The following AGFG2 variants were observed in gnomAD, a reference collection of about 807,000 sequenced individuals.
The protein encoded by AGFG2 is ArfGAP with FG repeats 2.
In AGFG2, 31 loss-of-function variants were observed where a neutral mutation model predicts 48.0. That is an observed-to-expected ratio of 0.65 (90% confidence interval 0.49 to 0.87). The LOEUF (loss-of-function observed/expected upper bound fraction) is 0.87, where lower values mean the gene tolerates loss of function less well. Ranked by LOEUF, AGFG2 falls within the 40% of genes least tolerant of loss-of-function variation. The probability of loss-of-function intolerance (pLI) is 0.00; values close to 1 mark genes in which losing one functional copy is unlikely to be tolerated. For missense variants in AGFG2, 599 were observed against 632.6 expected (o/e 0.95, Z 0.57); for synonymous variants, 229 against 260.8 (o/e 0.88, Z 1.18).
intron 1 of AGFG2, among the ~76,000 whole-genome samples, chr7:100,545,218 G>T (rs1017935334): frequency 6.6e-6 from 1 of 152,144 alleles, no homozygotes; most frequent in Non-Finnish European, 1.5e-5. Context: ...GGTGGAACTG[G>T]TTTTTTTCCA....
chr7:100,548,316 G>C (rs1800553543), intron 1 of AGFG2, among the ~76,000 whole-genome samples: 1 of 151,864 alleles, frequency 6.6e-6, no homozygotes, highest in Non-Finnish European at 1.5e-5. Flanking sequence ...GGGGGTTGGA[G>C]GGGGGTGGTG....
At chr7:100,553,612 T>C (rs1052152922) in intron 4 of AGFG2, 112 bp downstream of exon 4, 3 of 1,307,266 alleles carry the variant, frequency 2.3e-6, no homozygotes, top group South Asian at 1.5e-5. Flanking sequence ...GAGCTGTGAG[T>C]TGGGTCTCGG....
intron 5 of AGFG2, among the ~76,000 whole-genome samples, chr7:100,555,088 CT>C (rs1800729851): frequency 1.3e-5 from 2 of 152,068 alleles, no homozygotes; most frequent in East Asian, 1.9e-4. Flanking sequence ...CTGGGTGCCC[CT>C]GTTCCCCTGT....
rs550550640 is a variant in AGFG2 at position 100,560,265 on chromosome 7, C to T, written c.878-1994C>T. The stretch of plus-strand genomic sequence containing the variant: ...TCAATCTTGGCTCACTGCAATCTTC[C>T]TCTTCCAGGTTCAAGTGATTCTGGT... On this transcript the variant is annotated intron_variant, in intron 6 of 11. Coordinates refer to ENST00000300176, the MANE Select transcript of AGFG2 (RefSeq NM_006076.5). 4.6e-5 allele frequency among the ~76,000 whole-genome samples: 7 copies of T among 152,100 alleles called. No individual in the cohort carries two copies. In the South Asian group the frequency reaches 1.5e-3, roughly 32 times the overall value.
rs183911161 is a variant in AGFG2, at chr7:100,555,569, G to A, written c.752-41G>A. ...ATTACAGGCGTGAGCTACCACACCC[G>A]ACAATTTTCTATATAACCTTTATGT... On this transcript the variant is annotated intron_variant, in intron 5 of 11. Coordinates refer to ENST00000300176, the MANE Select transcript of AGFG2 (RefSeq NM_006076.5). 1,393 of 1,589,884 alleles carry A rather than the reference G, an allele frequency of 8.8e-4. 9 individuals carry two copies. Among genetic ancestry groups the A allele is most frequent in the Admixed American group, 2.1e-3 (125 of 59,470 alleles).
At position 100,548,864 on chromosome 7, in the gene AGFG2, G is replaced by C; in HGVS notation, c.264G>C (p.Met88Ile). The change falls in exon 2 of 12, where the codon ATG (methionine) becomes ATC (isoleucine). Residue 88 changes from methionine to isoleucine, a missense_variant. Transcript: ENST00000300176. ...NPPHRVKSIS[M>I]TTFTEPEVVF... ...CTCATCGTGTCAAGTCAATCTCCAT[G>C]ACAACTTTCACTGAGCCTGAAGTAG... 6.2e-7 allele frequency: 1 copy of C among 1,613,730 alleles called. No individual in the cohort carries two copies. Among genetic ancestry groups the C allele is most frequent in the Non-Finnish European group, 8.5e-7 (1 of 1,179,838 alleles).
Position 100,555,672 on chromosome 7 carries a change from T to C in AGFG2, c.814T>C (p.Ser272Pro). The C allele has an allele frequency of 6.2e-7, 1 of 1,614,140 alleles. No individual in the cohort carries two copies. The highest frequency in any genetic ancestry group is 8.5e-7 in the Non-Finnish European group (1 of 1,179,994). Reference protein sequence around the residue: ...FDAFSSGPSSSVFGSLPPAGQ... With the variant: ...FDAFSSGPSSPVFGSLPPAGQ... Reference sequence around the variant, plus strand: ...TGCCTTTAGCAGTGGCCCCAGCTCTTCTGTGTTTGGAAGCCTCCCTCCAGC... The same window carrying C: ...TGCCTTTAGCAGTGGCCCCAGCTCTCCTGTGTTTGGAAGCCTCCCTCCAGC... The change falls in exon 6 of 12, where the codon TCT (serine) becomes CCT (proline). Residue 272 changes from serine to proline, a missense_variant. By Grantham distance (74) the Ser-to-Pro change is moderately conservative (BLOSUM62 -1). Transcript: ENST00000300176.
chr7:100,551,119 G>A (rs929527863), intron 3 of AGFG2, among the ~76,000 whole-genome samples: 2 of 138,868 alleles, frequency 1.4e-5, no homozygotes, highest in Admixed American at 1.5e-4. Context: ...ACCCAGGCTG[G>A]AGTGCAGTGG....
intron 3 of AGFG2, among the ~76,000 whole-genome samples, chr7:100,553,067 C>T (rs962957413): frequency 6.6e-6 from 1 of 152,106 alleles, no homozygotes; most frequent in Non-Finnish European, 1.5e-5. Context: ...GCAGGAGAAT[C>T]ACTTGAGCCT....
rs1012469275 is a variant in AGFG2, at chr7:100,560,556, T to C, written c.878-1703T>C. Among the ~76,000 whole-genome samples, 47 of 152,280 alleles carry C rather than the reference T, an allele frequency of 3.1e-4. 1 individual carries two copies. Among genetic ancestry groups the C allele is most frequent in the African/African-American group, 6.0e-4 (25 of 41,546 alleles). On this transcript the variant is annotated intron_variant, in intron 6 of 11. Transcript: ENST00000300176. Reference sequence around the variant, plus strand: ...GATGACCAAGTAAGCACAGTGGCATTGTAGCCTTGCCCAGGAGGAAGCTGG... The same window carrying C: ...GATGACCAAGTAAGCACAGTGGCATCGTAGCCTTGCCCAGGAGGAAGCTGG...
chr7:100,558,909 G>C (rs921697320), intron 6 of AGFG2, among the ~76,000 whole-genome samples: 11 of 152,106 alleles, frequency 7.2e-5, no homozygotes, highest in African/African-American at 2.7e-4. Context: ...GCTGAGTGGG[G>C]TGCATCATTT....
rs1800690381 is a variant in AGFG2, at chr7:100,553,422, C to T, written c.507C>T (p.Ile169=). 2 of 1,614,064 alleles carry T rather than the reference C, an allele frequency of 1.2e-6. No homozygotes were observed. Among genetic ancestry groups the T allele is most frequent in the Admixed American group, 3.3e-5 (2 of 60,008 alleles). ...GSASTPVQGS[I]PEGKPLRTLL... is the part of the protein sequence containing the mutation. Reference sequence around the variant, plus strand: ...CCTCCACCCCTGTGCAGGGCTCCATCCCAGAAGGGAAGCCCCTTCGGACAC... The same window carrying T: ...CCTCCACCCCTGTGCAGGGCTCCATTCCAGAAGGGAAGCCCCTTCGGACAC... Residue 169 remains isoleucine, a synonymous_variant, in exon 4 of 12, where the codon ATC becomes ATT. Transcript: ENST00000300176.
chr7:100,545,727 G>A (rs1213966951), intron 1 of AGFG2, among the ~76,000 whole-genome samples: 1 of 152,192 alleles, frequency 6.6e-6, no homozygotes, highest in African/African-American at 2.4e-5. Context: ...GGGTGCAAGT[G>A]GGAGAGCTGG....
At chr7:100,561,572 C>T (rs1800873041) in intron 6 of AGFG2, among the ~76,000 whole-genome samples, 1 of 152,232 alleles carries the variant, frequency 6.6e-6, no homozygotes, top group African/African-American at 2.4e-5. Context: ...TCCCCTGAGA[C>T]AAGATTGCTT....
intron 1 of AGFG2, among the ~76,000 whole-genome samples, chr7:100,540,152 T>C (rs1800395569): frequency 6.6e-6 from 1 of 150,772 alleles, no homozygotes; most frequent in Non-Finnish European, 1.5e-5. Flanking sequence ...TAACCCCGAT[T>C]GACAGCCTAG....
rs1049020761 is a variant in AGFG2 at position 100,567,311 on chromosome 7, G to C, written c.*2320G>C. The C allele has an allele frequency of 6.5e-6, 1 of 152,786 alleles. No individual in the cohort carries two copies. The highest frequency in any genetic ancestry group is 1.5e-5 in the Non-Finnish European group (1 of 68,240). The allele number at this position is 152,786 out of a possible 1,614,324, so 9.5% of individuals were successfully genotyped here. A position where few individuals can be genotyped will look rare whatever the true frequency, so the allele number is the denominator to read the frequency against. ...CAAAGAATGGAGAAAGGCCTGGCTTGAGAGGAAATGGAGAAAACATTGCCT... is the reference window on the plus strand; with the variant it reads ...CAAAGAATGGAGAAAGGCCTGGCTTCAGAGGAAATGGAGAAAACATTGCCT... On this transcript the variant is annotated 3_prime_UTR_variant, in exon 12 of 12. Transcript: ENST00000300176.
At chr7:100,555,347 C>T (rs1800738143) in intron 5 of AGFG2, among the ~76,000 whole-genome samples, 1 of 136,092 alleles carries the variant, frequency 7.3e-6, no homozygotes, top group Non-Finnish European at 1.5e-5. Flanking sequence ...AATCTCGGCT[C>T]ACTGCTAGCT....
Position 100,566,738 on chromosome 7 carries a change from G to A in AGFG2, c.*1747G>A, listed in dbSNP as rs1801015607. 6.6e-6 allele frequency: 1 copy of A among 152,398 alleles called. No homozygotes were observed. The highest frequency in any genetic ancestry group is 6.5e-5 in the Admixed American group (1 of 15,276). 9.4% of individuals were successfully genotyped at this position (152,398 alleles called of 1,614,324 possible). ...AGCCTCTGCCCTCCTTCTGTCTCCT[G>A]GGTGGTCTCCCGCTTCGCTCCTGGC... On this transcript the variant is annotated 3_prime_UTR_variant, in exon 12 of 12. Transcript: ENST00000300176.
intron 1 of AGFG2, among the ~76,000 whole-genome samples, chr7:100,539,885 G>A (rs1468848728): frequency 2.0e-5 from 3 of 152,066 alleles, no homozygotes; most frequent in Non-Finnish European, 4.4e-5. Flanking sequence ...AAAGTGCGGA[G>A]GATGGAAGGG....
Sources: gnomAD v4.1 joint callset for allele counts (sites outside exome capture counted in the v4.1 genomes callset) on GRCh38, gnomAD v4.1.1 for gene constraint, MANE v1.5 for transcripts, NCBI Gene and HGNC (gene_info 2026-07-23, HGNC 2026-07-21) for gene names.